The following CNTN5 variants were observed in gnomAD, a reference collection of about 807,000 sequenced individuals.
The protein encoded by CNTN5 is contactin-5.
In CNTN5, 77 loss-of-function variants were observed where a neutral mutation model predicts 129.1. The observed-to-expected ratio is 0.60, with a 90% CI of 0.50 to 0.72. The LOEUF (loss-of-function observed/expected upper bound fraction) is 0.72. CNTN5 is among the 30% of genes least tolerant of loss of function. CNTN5 has a pLI of 0.00. For missense variants in CNTN5, 1,478 were observed against 1,328.8 expected (o/e 1.11, Z -1.75); for synonymous variants, 509 against 465.6 (o/e 1.09, Z -1.20).
At chr11:99,995,457 A>G (rs962244964) in intron 8 of CNTN5, among the ~76,000 whole-genome samples, 3 of 152,242 alleles carry the variant, frequency 2.0e-5, no homozygotes, top group Non-Finnish European at 4.4e-5. Context: ...ATAACAAATA[A>G]ATAGATAAAT....
At chr11:100,023,338 T>C (rs1399785131) in intron 9 of CNTN5, among the ~76,000 whole-genome samples, 2 of 152,198 alleles carry the variant, frequency 1.3e-5, no homozygotes, top group African/African-American at 4.8e-5. Flanking sequence ...CAGGATTTTT[T>C]TAAAAAGAAC....
At chr11:99,750,936 G>C (rs1944212444) in intron 3 of CNTN5, among the ~76,000 whole-genome samples, 1 of 152,140 alleles carries the variant, frequency 6.6e-6, no homozygotes, top group Non-Finnish European at 1.5e-5. Flanking sequence ...TTTGGAGTTT[G>C]CTTTAAAGCT....
At chr11:100,168,758 G>A (rs1194195811) in intron 13 of CNTN5, among the ~76,000 whole-genome samples, 1 of 151,910 alleles carries the variant, frequency 6.6e-6, no homozygotes, top group African/African-American at 2.4e-5. Context: ...ATTACATTTT[G>A]TAAGGCTTAA....
intron 3 of CNTN5, among the ~76,000 whole-genome samples, chr11:99,681,579 C>T (rs1183003720): frequency 6.6e-6 from 1 of 151,998 alleles, no homozygotes; most frequent in African/African-American, 2.4e-5. Context: ...ATGAATGCTA[C>T]TGTATGCTTA....
chr11:99,845,182 A>G lies in CNTN5; in HGVS notation c.497A>G (p.Lys166Arg). The change falls in exon 6 of 25, where the codon AAG becomes AGG. Residue 166 changes from lysine (K) to arginine (R), a missense_variant. Coordinates refer to ENST00000524871, the MANE Select transcript of CNTN5 (RefSeq NM_014361.4). ...TFIISNPSEAKDSGHYQCLAT... is the reference protein window; with the variant it reads ...TFIISNPSEARDSGHYQCLAT... ...ATTATAAGCAATCCAAGTGAAGCAA[A>G]GGATTCTGGTCATTATCAGTGTTTA... is the stretch of plus-strand genomic sequence containing the variant. The G allele has an allele frequency of 6.2e-7, 1 of 1,613,636 alleles. No individual in the cohort carries two copies. Among genetic ancestry groups the G allele is most frequent in the Admixed American group, 1.7e-5 (1 of 60,002 alleles).
intron 18 of CNTN5, among the ~76,000 whole-genome samples, chr11:100,285,515 T>C (rs1950761324): frequency 6.6e-6 from 1 of 152,212 alleles, no homozygotes. Flanking sequence ...ATCTAATTAG[T>C]ACTATTTCTC....
At chr11:99,911,894 G>C (rs1032692197) in intron 6 of CNTN5, among the ~76,000 whole-genome samples, 4 of 151,864 alleles carry the variant, frequency 2.6e-5, no homozygotes, top group Admixed American at 6.6e-5. Flanking sequence ...CTCCTCTTAA[G>C]TTTAGAGTCA....
chr11:99,151,823 T>C lies in CNTN5; in HGVS notation c.-210+130553T>C, dbSNP rs566307921. On this transcript the variant is annotated intron_variant, in intron 1 of 24. Coordinates refer to ENST00000524871, the MANE Select transcript of CNTN5 (RefSeq NM_014361.4). ...CAGAAACAGAAAACCAAACACTGCATGTTCTCACTCATAAGTGGGAGGGGG... is the reference window on the plus strand; with the variant it reads ...CAGAAACAGAAAACCAAACACTGCACGTTCTCACTCATAAGTGGGAGGGGG... Among the ~76,000 whole-genome samples, 141 of 151,782 alleles carry C rather than the reference T, an allele frequency of 9.3e-4. 1 individual carries two copies. The highest frequency in any genetic ancestry group is 3.4e-3 in the Middle Eastern group (1 of 294).
chr11:99,042,868 T>A (rs1159111882), intron 1 of CNTN5, among the ~76,000 whole-genome samples: 1 of 148,744 alleles, frequency 6.7e-6, no homozygotes, highest in African/African-American at 2.6e-5. Context: ...TTTTCATTGA[T>A]CTCTGTAGCA....
intron 3 of CNTN5, among the ~76,000 whole-genome samples, chr11:99,721,691 T>C (rs1943179142): frequency 6.6e-6 from 1 of 152,002 alleles, no homozygotes; most frequent in African/African-American, 2.4e-5. Context: ...ACAGAGTAAA[T>C]AGACAACCTA....
chr11:100,286,000 C>A (rs895337311), intron 18 of CNTN5, among the ~76,000 whole-genome samples: 3 of 152,204 alleles, frequency 2.0e-5, no homozygotes, highest in African/African-American at 7.2e-5. Context: ...GTGACAGACG[C>A]ACCTGGAAAA....
At chr11:100,187,643 C>T (rs1948342356) in intron 13 of CNTN5, among the ~76,000 whole-genome samples, 1 of 152,098 alleles carries the variant, frequency 6.6e-6, no homozygotes, top group African/African-American at 2.4e-5. Flanking sequence ...GAAAGCTCCA[C>T]ACCTACAGTC....
At chr11:100,161,870 C>CAAAAAA (rs1565302422) in intron 13 of CNTN5, among the ~76,000 whole-genome samples, 1 of 138,458 alleles carries the variant, frequency 7.2e-6, no homozygotes, top group African/African-American at 2.6e-5. Context: ...CACACACACA[C>CAAAAAA]ACAAAACAAA....
At chr11:99,976,429 T>A (rs1937978032) in intron 8 of CNTN5, among the ~76,000 whole-genome samples, 1 of 152,198 alleles carries the variant, frequency 6.6e-6, no homozygotes, top group South Asian at 2.1e-4. Flanking sequence ...CCCCTTTGCA[T>A]TGCCCAGTAG....
intron 6 of CNTN5, among the ~76,000 whole-genome samples, chr11:99,858,333 C>T (rs376648440): frequency 1.0e-3 from 155 of 152,144 alleles, no homozygotes; most frequent in African/African-American, 3.6e-3. Context: ...GAAATCACAA[C>T]CATTACAGAC....
chr11:100,282,948 G>A (rs942094685), intron 18 of CNTN5, among the ~76,000 whole-genome samples: 8 of 152,096 alleles, frequency 5.3e-5, no homozygotes, highest in Admixed American at 1.3e-4. Context: ...AGCTTTTGGC[G>A]AATGGTGCCT....
chr11:99,091,380 G>T (rs1866243178), intron 1 of CNTN5, among the ~76,000 whole-genome samples: 1 of 152,204 alleles, frequency 6.6e-6, no homozygotes, highest in African/African-American at 2.4e-5. Flanking sequence ...GGTCTCTGGT[G>T]CTAGTTTTGC....
chr11:99,762,435 T>G (rs1040822410), intron 3 of CNTN5, among the ~76,000 whole-genome samples: 5 of 151,990 alleles, frequency 3.3e-5, no homozygotes, highest in Non-Finnish European at 7.4e-5. Flanking sequence ...CTTGAATTGA[T>G]TTTTGTATAA....
At chr11:100,341,004 G>T in intron 22 of CNTN5, 89 bp from the exon 23 acceptor site, 1 of 988,746 alleles carries the variant, frequency 1.0e-6, no homozygotes, top group South Asian at 1.4e-5. Flanking sequence ...CTACTAAGCA[G>T]GAGAAAAGAT....
Sources: allele counts gnomAD v4.1 joint callset (sites outside exome capture counted in the v4.1 genomes callset), GRCh38; gene constraint gnomAD v4.1.1; transcripts MANE v1.5; gene names NCBI Gene and HGNC (gene_info 2026-07-23, HGNC 2026-07-21).